Variants in SLC25A48 observed in about 807,000 individuals in gnomAD.
SLC25A48 encodes solute carrier family 25 member 48, also known as CTC-321K16.1.
Under a neutral mutation model 32.2 loss-of-function variants are expected in SLC25A48, and 29 were observed. The observed-to-expected ratio is 0.90, with a 90% CI of 0.67 to 1.23. SLC25A48 has a LOEUF of 1.23. SLC25A48 is among the 50% of genes most tolerant of loss of function. The probability of loss-of-function intolerance (pLI) is 0.00; values close to 1 mark genes in which losing one functional copy is unlikely to be tolerated. For synonymous variants in SLC25A48, 164 were observed against 172.3 expected (o/e 0.95, Z 0.38); for missense variants, 399 against 422.7 (o/e 0.94, Z 0.49).
In SLC25A48 at chr5:135,618,096, CCA is replaced by C. The variant is rs1342425527; in HGVS notation, c.-848-11140_-848-11139del. Among the ~76,000 whole-genome samples the C allele has an allele frequency of 3.3e-5, 5 of 150,984 alleles. No homozygotes were observed. The East Asian group carries it at 9.7e-4, about 29-fold the overall frequency. On this transcript the variant is annotated intron_variant, in intron 1 of 10. Coordinates refer to the SLC25A48 transcript ENST00000646290. ...TTTTTGCTTCAAATATCTGTGTGCCCCAGTGTTGAGTGGATATATATTTAGAA... is the reference window on the plus strand; with the variant it reads ...TTTTTGCTTCAAATATCTGTGTGCCCGTGTTGAGTGGATATATATTTAGAA...
chr5:135,673,156 T>C (rs527610427), intron 3 of SLC25A48, among the ~76,000 whole-genome samples: 4 of 152,338 alleles, frequency 2.6e-5, no homozygotes, highest in African/African-American at 9.6e-5. Flanking sequence ...TATTTCCAAT[T>C]TGGGGCTATG....
chr5:135,740,263 G>C (rs1428432954), intron 3 of SLC25A48, among the ~76,000 whole-genome samples: 3 of 151,930 alleles, frequency 2.0e-5, no homozygotes, highest in Non-Finnish European at 4.4e-5. Context: ...GGGTGATCTC[G>C]GCTCACTGCA....
In SLC25A48 at chr5:135,793,595, T is replaced by C. The variant is rs568256011; in HGVS notation, c.-520-18928T>C. ...ACATTGGGTTTACACCATGTGTGTA[T>C]ACTTTTGGATATTATTCATAACATT... On this transcript the variant is annotated intron_variant, in intron 3 of 10. Transcript: ENST00000646290. Among the ~76,000 whole-genome samples, 2 of 151,834 alleles carry C rather than the reference T, an allele frequency of 1.3e-5. 1 individual carries two copies. The highest frequency in any genetic ancestry group is 4.1e-4 in the South Asian group (2 of 4,820).
chr5:135,818,986 G>C (rs188308347), intron 4 of SLC25A48, among the ~76,000 whole-genome samples: 2 of 152,116 alleles, frequency 1.3e-5, no homozygotes, highest in Admixed American at 6.5e-5. Context: ...CAAGAGGAAA[G>C]AGTCTGTGAG....
intron 3 of SLC25A48, among the ~76,000 whole-genome samples, chr5:135,739,146 C>G (rs1755445035): frequency 6.6e-6 from 1 of 152,034 alleles, no homozygotes; most frequent in Non-Finnish European, 1.5e-5. Context: ...GAGGTAGGGT[C>G]TCACTCTGTT....
chr5:135,842,292 C>A, intron 1 of SLC25A48, 124 bp from the exon 2 acceptor site: 2 of 961,988 alleles, frequency 2.1e-6, no homozygotes, highest in Non-Finnish European at 1.7e-6. Flanking sequence ...TTGGAGCCCA[C>A]CCACTCCCCC....
At chr5:135,834,081 G>A (rs896491130), upstream of SLC25A48, among the ~76,000 whole-genome samples, 1 of 152,182 alleles carries the variant, frequency 6.6e-6, no homozygotes, top group African/African-American at 2.4e-5. Context: ...AAGCCTCTCC[G>A]CACAGCAGGC....
chr5:135,716,565 T>C (rs1754804689), intron 3 of SLC25A48, among the ~76,000 whole-genome samples: 1 of 152,154 alleles, frequency 6.6e-6, no homozygotes, highest in Non-Finnish European at 1.5e-5. Context: ...TTGCCTCTTC[T>C]CCACCTCCCT....
intron 3 of SLC25A48, among the ~76,000 whole-genome samples, chr5:135,747,281 A>G (rs1755664147): frequency 6.6e-6 from 1 of 151,030 alleles, no homozygotes; most frequent in Non-Finnish European, 1.5e-5. Context: ...ATATATCTAT[A>G]TATCAGTTAT....
chr5:135,763,218 A>G (rs571841811), intron 3 of SLC25A48, among the ~76,000 whole-genome samples: 1 of 152,256 alleles, frequency 6.6e-6, no homozygotes, highest in Admixed American at 6.5e-5. Flanking sequence ...AAGATGGTGG[A>G]AATTTAATTT....
At chr5:135,720,157 G>A (rs1228656842) in intron 3 of SLC25A48, among the ~76,000 whole-genome samples, 1 of 152,220 alleles carries the variant, frequency 6.6e-6, no homozygotes, top group Admixed American at 6.5e-5. Flanking sequence ...TCTTGACTAT[G>A]GGGTGGGATT....
chr5:135,856,354 C>G (rs1485275064), intron 4 of SLC25A48, among the ~76,000 whole-genome samples: 4 of 152,184 alleles, frequency 2.6e-5, no homozygotes, highest in African/African-American at 7.2e-5. Flanking sequence ...TCCCTGGCAG[C>G]CTTCTGAGTA....
chr5:135,868,850 A>G (rs925562551), intron 4 of SLC25A48, among the ~76,000 whole-genome samples: 3 of 152,202 alleles, frequency 2.0e-5, no homozygotes, highest in African/African-American at 4.8e-5. Flanking sequence ...CTTTCAATCA[A>G]TAACTCCTGA....
At chr5:135,862,911 C>T (rs1003717763) in intron 4 of SLC25A48, among the ~76,000 whole-genome samples, 1 of 152,126 alleles carries the variant, frequency 6.6e-6, no homozygotes, top group Admixed American at 6.5e-5. Flanking sequence ...TTATATTCAG[C>T]AGGCAGTGAA....
intron 3 of SLC25A48, among the ~76,000 whole-genome samples, chr5:135,780,221 G>A (rs1756686942): frequency 1.0e-5 from 1 of 95,530 alleles, no homozygotes; most frequent in Non-Finnish European, 2.5e-5. Context: ...CAAGTAGCTG[G>A]GACTACAGGC....
intron 1 of SLC25A48, among the ~76,000 whole-genome samples, chr5:135,836,981 CCACA>C (rs1173100163): frequency 2.5e-3 from 46 of 18,518 alleles, no homozygotes; most frequent in Non-Finnish European, 0.014. Flanking sequence ...CCCCCCCCCC[CCACA>C]CACACACACA....
intron 1 of SLC25A48, among the ~76,000 whole-genome samples, chr5:135,582,628 A>G (rs1308152320): frequency 6.6e-6 from 1 of 152,144 alleles, no homozygotes; most frequent in East Asian, 1.9e-4. Context: ...TCTCATGCAG[A>G]GTGGAAGCCA....
At chr5:135,754,178 C>G (rs1470049354) in intron 3 of SLC25A48, among the ~76,000 whole-genome samples, 1 of 151,668 alleles carries the variant, frequency 6.6e-6, no homozygotes, top group Non-Finnish European at 1.5e-5. Flanking sequence ...AGTCATATCT[C>G]GATTATATTA....
chr5:135,802,380 A>G (rs538001306), intron 3 of SLC25A48, among the ~76,000 whole-genome samples: 1 of 151,704 alleles, frequency 6.6e-6, no homozygotes, highest in Admixed American at 6.6e-5. Flanking sequence ...TATTACTCCT[A>G]TTAACACTGT....
Sources: allele counts gnomAD v4.1 joint callset (sites outside exome capture counted in the v4.1 genomes callset), GRCh38; gene constraint gnomAD v4.1.1; transcripts MANE v1.5; gene names NCBI Gene and HGNC (gene_info 2026-07-23, HGNC 2026-07-21).